The following PIP4K2A variants were observed in gnomAD, a reference collection of about 807,000 sequenced individuals.
PIP4K2A encodes the protein phosphatidylinositol 5-phosphate 4-kinase type-2 alpha.
A neutral mutation model predicts 42.9 loss-of-function variants in PIP4K2A; 14 were observed. The ratio of observed to expected loss-of-function variants is 0.33; its 90% CI spans 0.22 to 0.51. PIP4K2A has a LOEUF of 0.51. PIP4K2A is among the 20% of genes least tolerant of loss of function. The probability of loss-of-function intolerance (pLI) is 0.97; values close to 1 mark genes in which losing one functional copy is unlikely to be tolerated. For missense variants in PIP4K2A, 434 were observed against 519.8 expected, an observed-to-expected ratio of 0.83 and a Z score of 1.61; for synonymous variants, 192 against 192.2, an observed-to-expected ratio of 1.00 and a Z score of 0.01.
intron 1 of PIP4K2A, among the ~76,000 whole-genome samples, chr10:22,645,571 G>A (rs888749520): frequency 8.2e-5 from 12 of 145,550 alleles, no homozygotes; most frequent in Non-Finnish European, 1.2e-4. Context: ...AAAAAGAAAA[G>A]AAAAGAAAAG....
At chr10:22,713,516 G>A (rs1227815524) in intron 1 of PIP4K2A, among the ~76,000 whole-genome samples, 7 of 152,242 alleles carry the variant, frequency 4.6e-5, no homozygotes, top group Non-Finnish European at 1.0e-4. Context: ...AGGGCGATGC[G>A]GGAGAAGCGC....
At chr10:22,577,560 T>C (rs1837153517) in intron 4 of PIP4K2A, among the ~76,000 whole-genome samples, 1 of 152,234 alleles carries the variant, frequency 6.6e-6, no homozygotes, top group African/African-American at 2.4e-5. Flanking sequence ...ATGCTTCTTG[T>C]ACAGTCTGCA....
chr10:22,575,002 G>C (rs1296242678), intron 4 of PIP4K2A, among the ~76,000 whole-genome samples: 2 of 152,146 alleles, frequency 1.3e-5, no homozygotes, highest in African/African-American at 4.8e-5. Flanking sequence ...AGAAAGGTGT[G>C]TGTGTGTGTC....
intron 1 of PIP4K2A, among the ~76,000 whole-genome samples, chr10:22,672,577 C>G (rs1336674280): frequency 6.6e-6 from 1 of 152,216 alleles, no homozygotes; most frequent in Admixed American, 6.5e-5. Flanking sequence ...CATCTGCACA[C>G]AAAGGGCATG....
chr10:22,619,042 T>C (rs144139774), intron 1 of PIP4K2A, among the ~76,000 whole-genome samples: 165 of 151,720 alleles, frequency 1.1e-3, no homozygotes, highest in African/African-American at 3.9e-3. Flanking sequence ...ATTTTCACTA[T>C]CTGATATTCA....
intron 3 of PIP4K2A, among the ~76,000 whole-genome samples, chr10:22,599,564 C>A (rs1419808847): frequency 6.6e-6 from 1 of 152,200 alleles, no homozygotes; most frequent in Admixed American, 6.5e-5. Context: ...GTGGACACAT[C>A]ACAGCCAATA....
chr10:22,655,600 A>G (rs1839084790), intron 1 of PIP4K2A, among the ~76,000 whole-genome samples: 1 of 152,220 alleles, frequency 6.6e-6, no homozygotes, highest in Non-Finnish European at 1.5e-5. Flanking sequence ...AGTTGTTTGC[A>G]GATGGCTGAA....
chr10:22,648,276 C>CA (rs375482918), intron 1 of PIP4K2A, among the ~76,000 whole-genome samples: 168 of 152,172 alleles, frequency 1.1e-3, no homozygotes, highest in African/African-American at 3.7e-3. Flanking sequence ...TTCAGACAAC[C>CA]AAAAAACTCA....
At chr10:22,561,728 A>G (rs902998453) in intron 6 of PIP4K2A, among the ~76,000 whole-genome samples, 1 of 151,316 alleles carries the variant, frequency 6.6e-6, no homozygotes, top group Non-Finnish European at 1.5e-5. Context: ...ATGCCCAGCT[A>G]ATTTTTTGAA....
chr10:22,565,382 C>T (rs1211838702), intron 6 of PIP4K2A, among the ~76,000 whole-genome samples: 1 of 152,160 alleles, frequency 6.6e-6, no homozygotes, highest in East Asian at 1.9e-4. Flanking sequence ...TTTATTAGTT[C>T]CCTAAATTAA....
In PIP4K2A at chr10:22,537,431, C is replaced by A. The variant is rs114326044; in HGVS notation, c.1141-150G>T. The A allele has an allele frequency of 1.8e-3, 1,152 of 643,384 alleles. 17 individuals carry two copies. The African/African-American group carries it at 0.018, about 10-fold the overall frequency. 39.9% of individuals were successfully genotyped at this position (643,384 alleles called of 1,614,324 possible). ...AGTCTCTGCTCTGAAAAACATCACT[C>A]AAAATATCTTGGCGCTCATGGTTGA... is the stretch of plus-strand genomic sequence containing the variant. On this transcript the variant is annotated intron_variant, in intron 9 of 9. Coordinates refer to ENST00000376573, the MANE Select transcript of PIP4K2A (RefSeq NM_005028.5).
chr10:22,704,822 A>G (rs978345800), intron 1 of PIP4K2A, among the ~76,000 whole-genome samples: 1 of 152,200 alleles, frequency 6.6e-6, no homozygotes, highest in Non-Finnish European at 1.5e-5. Context: ...GGAATCGTCT[A>G]TATCTGCACT....
chr10:22,541,558 A>T (rs193124542), intron 8 of PIP4K2A, among the ~76,000 whole-genome samples: 5 of 152,330 alleles, frequency 3.3e-5, no homozygotes, highest in African/African-American at 9.6e-5. Context: ...CATGTATAGT[A>T]TAGTTCGTGG....
chr10:22,569,751 T>C (rs1468209847), intron 5 of PIP4K2A, among the ~76,000 whole-genome samples: 6 of 152,100 alleles, frequency 3.9e-5, no homozygotes, highest in East Asian at 1.9e-4. Context: ...TTCATCTGTA[T>C]GCAAATGCTG....
chr10:22,646,257 T>C (rs1202716494), intron 1 of PIP4K2A: 1 of 152,190 alleles, frequency 6.6e-6, no homozygotes, highest in Non-Finnish European at 1.5e-5. Context: ...AAGACATTGC[T>C]TGTCCCTAAA....
At chr10:22,706,913 T>C (rs1206271347) in intron 1 of PIP4K2A, among the ~76,000 whole-genome samples, 1 of 152,168 alleles carries the variant, frequency 6.6e-6, no homozygotes, top group Non-Finnish European at 1.5e-5. Flanking sequence ...GATGTTCTAC[T>C]ACAAAACAGG....
chr10:22,609,767 A>T, intron 1 of PIP4K2A, 50 bp from the exon 2 acceptor site: 2 of 1,119,910 alleles, frequency 1.8e-6, no homozygotes, highest in Non-Finnish European at 2.6e-6. Context: ...CCAGGTGAGG[A>T]GGACTTGACT....
At chr10:22,644,186 T>C (rs1437635689) in intron 1 of PIP4K2A, among the ~76,000 whole-genome samples, 2 of 152,138 alleles carry the variant, frequency 1.3e-5, no homozygotes, top group African/African-American at 2.4e-5. Flanking sequence ...AGCACCTCCA[T>C]GCACAGAGTA....
At chr10:22,565,698 C>T (rs1836829992) in intron 6 of PIP4K2A, among the ~76,000 whole-genome samples, 1 of 152,230 alleles carries the variant, frequency 6.6e-6, no homozygotes, top group Non-Finnish European at 1.5e-5. Context: ...TAAACTCTGA[C>T]CACCAGTGAG....
Sources: gnomAD v4.1 joint callset for allele counts (sites outside exome capture counted in the v4.1 genomes callset) on GRCh38, gnomAD v4.1.1 for gene constraint, MANE v1.5 for transcripts, NCBI Gene and HGNC (gene_info 2026-07-23, HGNC 2026-07-21) for gene names.